Variants in ZC3H12B observed in about 807,000 individuals in gnomAD.
ZC3H12B encodes probable ribonuclease ZC3H12B.
ZC3H12B carries 7 observed loss-of-function variants against 43.9 expected under a neutral mutation model. That is an observed-to-expected ratio of 0.16 (90% CI 0.09 to 0.30). The LOEUF is 0.30. ZC3H12B is among the 10% of genes least tolerant of loss of function. The probability of loss-of-function intolerance (pLI) is 1.00; values close to 1 mark genes in which losing one functional copy is unlikely to be tolerated. For synonymous variants in ZC3H12B, 222 were observed against 241.7 expected (o/e 0.92, Z 0.76); for missense variants, 475 against 670.2 (o/e 0.71, Z 3.22).
At chrX:65,425,579 A>G (rs890927220) in intron 3 of ZC3H12B, among the ~76,000 whole-genome samples, 1 of 111,291 alleles carries the variant, frequency 9.0e-6, no homozygotes, top group African/African-American at 3.3e-5. Flanking sequence ...CCCATTCCGT[A>G]TGATATTGGC....
the ZC3H12B span, among the ~76,000 whole-genome samples, chrX:65,204,579 A>G: frequency 1.8e-5 from 2 of 111,664 alleles, no homozygotes; most frequent in African/African-American, 6.5e-5. Flanking sequence ...ATATCAGCAA[A>G]CTGTGGATGT....
At chrX:65,350,979 C>T in the ZC3H12B span, among the ~76,000 whole-genome samples, 3 of 111,483 alleles carry the variant, frequency 2.7e-5, no homozygotes, top group African/African-American at 9.8e-5. Flanking sequence ...CTACTTTAAA[C>T]TTTAAATGGA....
chrX:65,207,298 C>T, the ZC3H12B span, among the ~76,000 whole-genome samples: 1 of 108,826 alleles, frequency 9.2e-6, no homozygotes, highest in Non-Finnish European at 1.9e-5. Flanking sequence ...GTCTACTACT[C>T]ACCCATAAAA....
intron 2 of ZC3H12B, among the ~76,000 whole-genome samples, chrX:65,381,273 C>T (rs990541690): frequency 8.9e-6 from 1 of 111,825 alleles, no homozygotes; most frequent in African/African-American, 3.3e-5. Flanking sequence ...ACAGTGCAAT[C>T]AAACTAGAAC....
At chrX:65,483,670 G>A (rs1030212053) in intron 3 of ZC3H12B, among the ~76,000 whole-genome samples, 7 of 111,979 alleles carry the variant, frequency 6.3e-5, no homozygotes, top group Non-Finnish European at 1.3e-4. Context: ...AAGATGTAAT[G>A]CAAATGTAAA....
the ZC3H12B span, among the ~76,000 whole-genome samples, chrX:65,149,768 AATAAT>A: frequency 2.1e-4 from 1 of 4,775 alleles, no homozygotes; most frequent in African/African-American, 2.7e-3. Flanking sequence ...AATCTCAAAT[AATAAT>A]AATAATAATA....
the ZC3H12B span, among the ~76,000 whole-genome samples, chrX:65,176,661 A>C: frequency 8.9e-6 from 1 of 112,064 alleles, no homozygotes; most frequent in African/African-American, 3.2e-5. Context: ...CTTTATGCAC[A>C]CAAACTAGAA....
At chrX:65,449,499 G>A (rs1270229321) in intron 3 of ZC3H12B, among the ~76,000 whole-genome samples, 1 of 110,050 alleles carries the variant, frequency 9.1e-6, no homozygotes, top group African/African-American at 3.3e-5. Context: ...CATGCCTGTA[G>A]TCCCAGCTAC....
the ZC3H12B span, among the ~76,000 whole-genome samples, chrX:65,121,135 G>T: frequency 6.3e-5 from 7 of 111,225 alleles, no homozygotes; most frequent in East Asian, 8.5e-4. Flanking sequence ...TCTCTGCCCG[G>T]CTTTGGTATC....
chrX:65,071,685 G>A, the ZC3H12B span, among the ~76,000 whole-genome samples: 14 of 111,563 alleles, frequency 1.3e-4, no homozygotes, highest in East Asian at 3.9e-3. Context: ...TTCTGGAAAG[G>A]ATCTTATTTC....
chrX:65,196,785 T>C, the ZC3H12B span, among the ~76,000 whole-genome samples: 3 of 110,968 alleles, frequency 2.7e-5, no homozygotes, highest in Non-Finnish European at 5.7e-5. Context: ...AGCCCTAATA[T>C]CACCAGGCCA....
chrX:65,368,150 G>A (rs2066197351), intron 1 of ZC3H12B, among the ~76,000 whole-genome samples: 1 of 111,928 alleles, frequency 8.9e-6, no homozygotes, highest in Non-Finnish European at 1.9e-5. Context: ...TTTTATTTTG[G>A]AGTGAGGTAG....
the ZC3H12B span, among the ~76,000 whole-genome samples, chrX:65,189,108 C>A: frequency 3.8e-5 from 4 of 104,346 alleles, no homozygotes; most frequent in Admixed American, 1.0e-4. Flanking sequence ...CATCCATGTC[C>A]CTACAAAGGA....
At chrX:65,177,880 C>A in the ZC3H12B span, among the ~76,000 whole-genome samples, 3 of 112,064 alleles carry the variant, frequency 2.7e-5, no homozygotes, top group African/African-American at 9.7e-5. Context: ...TTGCTGTCCC[C>A]ATCAAACAAC....
chrX:65,353,649 G>A, the ZC3H12B span, among the ~76,000 whole-genome samples: 1 of 111,883 alleles, frequency 8.9e-6, no homozygotes, highest in East Asian at 2.8e-4. Context: ...CTGAAGCCAG[G>A]GAGTCAAGTG....
chrX:65,373,997 G>C (rs372518967), intron 2 of ZC3H12B, among the ~76,000 whole-genome samples: 15 of 8,165 alleles, frequency 1.8e-3, no homozygotes, highest in East Asian at 0.015. Flanking sequence ...TATATATATA[G>C]TATATATATA....
intron 3 of ZC3H12B, among the ~76,000 whole-genome samples, chrX:65,446,846 G>A (rs1016427517): frequency 8.0e-5 from 9 of 112,039 alleles, no homozygotes; most frequent in South Asian, 3.7e-4. Context: ...AGGTTCTTAT[G>A]AAAGTGCTTT....
At chrX:65,290,947 A>G in the ZC3H12B span, among the ~76,000 whole-genome samples, 1 of 111,686 alleles carries the variant, frequency 9.0e-6, no homozygotes, top group African/African-American at 3.2e-5. Flanking sequence ...TTGATAGCAG[A>G]GTAAGATGAC....
the ZC3H12B span, among the ~76,000 whole-genome samples, chrX:65,114,025 A>ATATATATATATATATATT: frequency 2.5e-5 from 2 of 80,114 alleles, no homozygotes; most frequent in Non-Finnish European, 4.8e-5. Flanking sequence ...ATATATATAT[A>ATATATATATATATATATT]TTCATCTTTA....
Sources: allele counts gnomAD v4.1 joint callset (sites outside exome capture counted in the v4.1 genomes callset), GRCh38; gene constraint gnomAD v4.1.1; transcripts MANE v1.5; gene names NCBI Gene and HGNC (gene_info 2026-07-23, HGNC 2026-07-21).